USP48: variants seen among roughly 807,000 people sequenced by gnomAD.
USP48 encodes ubiquitin carboxyl-terminal hydrolase 48.
In USP48, 43 loss-of-function variants were observed where a neutral mutation model predicts 150.7. The ratio of observed to expected loss-of-function variants is 0.29; its 90% confidence interval spans 0.22 to 0.37. USP48 has a LOEUF of 0.37. Ranked by LOEUF, USP48 falls within the 10% of genes least tolerant of loss-of-function variation. The pLI, the probability that USP48 is intolerant of heterozygous loss-of-function variation, is 1.00. For synonymous variants in USP48, 396 were observed against 425.9 expected, an observed-to-expected ratio of 0.93 and a Z score of 0.86; for missense variants, 813 against 1,249.6, an observed-to-expected ratio of 0.65 and a Z score of 5.27.
chr1:21,723,751 T>C (rs1440122475), intron 12 of USP48, 147 bp downstream of exon 12: 1 of 727,076 alleles, frequency 1.4e-6, no homozygotes, highest in African/African-American at 1.8e-5. Context: ...ACTTCTACTT[T>C]ATTTAGCAAA....
chr1:21,751,179 C>A (rs333195), intron 6 of USP48, among the ~76,000 whole-genome samples: 122,445 of 152,152 alleles, frequency 0.8, 50,124 homozygotes, highest in Admixed American at 0.88. Context: ...AGCACATTCT[C>A]GTTTTCATTA....
chr1:21,740,643 CAT>C (rs35242570), intron 8 of USP48, among the ~76,000 whole-genome samples: 2,255 of 152,326 alleles, frequency 0.015, 53 homozygotes, highest in African/African-American at 0.051. Flanking sequence ...AAAACACACA[CAT>C]GTCACATCAC....
At chr1:21,717,756 T>C (rs2097708813) in intron 14 of USP48, among the ~76,000 whole-genome samples, 2 of 152,142 alleles carry the variant, frequency 1.3e-5, no homozygotes, top group South Asian at 2.1e-4. Context: ...GAGTTCAAGA[T>C]CAGCCTGGTC....
intron 1 of USP48, among the ~76,000 whole-genome samples, chr1:21,781,555 G>C (rs1024468410): frequency 3.9e-5 from 6 of 152,156 alleles, no homozygotes; most frequent in African/African-American, 1.4e-4. Context: ...CCAACATGGC[G>C]AAAACCCGTC....
chr1:21,782,731 C>T, intron 1 of USP48, 93 bp downstream of exon 1: 2 of 1,414,700 alleles, frequency 1.4e-6, no homozygotes, highest in Non-Finnish European at 1.8e-6. Flanking sequence ...CCCAAATGCA[C>T]GCAAAGGGCT....
chr1:21,757,836 GACAA>G (rs1039295525), intron 1 of USP48, 53 bp from the exon 2 acceptor site: 53 of 1,518,386 alleles, frequency 3.5e-5, no homozygotes, highest in East Asian at 4.6e-5. Flanking sequence ...TTTCATGAGA[GACAA>G]ACAAATTAAA....
intron 2 of USP48, chr1:21,757,375 C>T (rs914768796): frequency 4.0e-5 from 9 of 226,096 alleles, no homozygotes; most frequent in Non-Finnish European, 5.9e-5. Flanking sequence ...TTTAAAGAGG[C>T]GTTAAGATTT....
At chr1:21,748,591 T>C (rs968853224) in intron 6 of USP48, among the ~76,000 whole-genome samples, 1 of 152,264 alleles carries the variant, frequency 6.6e-6, no homozygotes, top group Non-Finnish European at 1.5e-5. Flanking sequence ...AAATGTCACA[T>C]GTATTTTGAT....
chr1:21,731,101 T>C (rs971384681), intron 9 of USP48, among the ~76,000 whole-genome samples: 3 of 152,142 alleles, frequency 2.0e-5, no homozygotes, highest in African/African-American at 7.2e-5. Context: ...CACAAGTATT[T>C]GTTTTAATGT....
intron 3 of USP48, among the ~76,000 whole-genome samples, chr1:21,754,810 ACT>A (rs1380139354): frequency 3.9e-5 from 6 of 152,146 alleles, no homozygotes; most frequent in South Asian, 4.1e-4. Flanking sequence ...CTCTCAGGTG[ACT>A]CTGTAGGGGG....
At chr1:21,720,073 T>C (rs962875170) in intron 14 of USP48, among the ~76,000 whole-genome samples, 4 of 152,198 alleles carry the variant, frequency 2.6e-5, no homozygotes, top group African/African-American at 9.7e-5. Context: ...TAAAACAACA[T>C]AATTTCTGAT....
intron 23 of USP48, among the ~76,000 whole-genome samples, chr1:21,694,489 G>C (rs1185529382): frequency 7.1e-6 from 1 of 140,168 alleles, no homozygotes; most frequent in Non-Finnish European, 1.5e-5. Flanking sequence ...AGAACTGCTT[G>C]AACCCGGTAG....
At chr1:21,721,986 T>C (rs2097722147) in intron 12 of USP48, among the ~76,000 whole-genome samples, 2 of 152,174 alleles carry the variant, frequency 1.3e-5, no homozygotes, top group Non-Finnish European at 2.9e-5. Flanking sequence ...AGACAAAATG[T>C]TGTATTACAT....
At chr1:21,723,062 T>C (rs991077925) in intron 12 of USP48, among the ~76,000 whole-genome samples, 3 of 152,114 alleles carry the variant, frequency 2.0e-5, no homozygotes, top group Non-Finnish European at 4.4e-5. Flanking sequence ...CAGCTACTCA[T>C]GTAAAAAGAA....
chr1:21,694,089 G>C (rs1472534725), intron 23 of USP48, among the ~76,000 whole-genome samples: 1 of 152,092 alleles, frequency 6.6e-6, no homozygotes, highest in East Asian at 1.9e-4. Context: ...TTTACCACTG[G>C]AATGCTTATT....
chr1:21,689,867 T>C, intron 24 of USP48, 107 bp downstream of exon 24: 1 of 1,460,702 alleles, frequency 6.8e-7, no homozygotes, highest in South Asian at 1.4e-5. Context: ...ATCACTACCC[T>C]CTGCTAAAGA....
In USP48 at chr1:21,721,754, C is replaced by T; in HGVS notation, c.1659G>A (p.Leu553=). ...AACGTTCTACTACACATTCCTTACA[C>T]AGGGCTTTCACTACAGGCAAGAAAG... ...GGGPRLTVKA[L]CKECVVERCR... is the part of the protein sequence containing the mutation. The change falls in exon 13 of 27, where the codon CTG becomes CTA. Residue 553 remains leucine (L), a synonymous_variant. Transcript: ENST00000308271. 6.3e-7 allele frequency: 1 copy of T among 1,589,542 alleles called. No individual in the cohort carries two copies. Among genetic ancestry groups the T allele is most frequent in the Admixed American group, 1.8e-5 (1 of 56,910 alleles).
chr1:21,776,585 CTT>C (rs1296063777), intron 1 of USP48, among the ~76,000 whole-genome samples: 1 of 45,928 alleles, frequency 2.2e-5, no homozygotes, highest in African/African-American at 7.7e-5. Context: ...TGAATAGTGT[CTT>C]GTCTCAAAAA....
intron 1 of USP48, among the ~76,000 whole-genome samples, chr1:21,764,126 G>A (rs1190680263): frequency 1.3e-5 from 2 of 152,078 alleles, no homozygotes; most frequent in Non-Finnish European, 2.9e-5. Context: ...AGATCAAGGA[G>A]GTTGAGTGTT....
Sources: allele counts gnomAD v4.1 joint callset (sites outside exome capture counted in the v4.1 genomes callset), GRCh38; gene constraint gnomAD v4.1.1; transcripts MANE v1.5; gene names NCBI Gene and HGNC (gene_info 2026-07-23, HGNC 2026-07-21).